Variants in B3GALT1 observed in about 807,000 individuals in gnomAD.
B3GALT1 encodes the protein beta-1,3-galactosyltransferase 1.
In B3GALT1, 10 loss-of-function variants were observed where a neutral mutation model predicts 23.2. That is an observed-to-expected ratio of 0.43 (90% confidence interval 0.27 to 0.73). The LOEUF (loss-of-function observed/expected upper bound fraction) is 0.73. Among genes scored for constraint, B3GALT1 ranks in the 30% least tolerant of loss-of-function variants. B3GALT1 has a pLI of 0.21. For missense variants in B3GALT1, 299 were observed against 405.4 expected, an observed-to-expected ratio of 0.74 and a Z score of 2.25; for synonymous variants, 156 against 141.5, an observed-to-expected ratio of 1.10 and a Z score of -0.73.
chr2:167,566,653 A>T (rs976508307), intron 2 of B3GALT1, among the ~76,000 whole-genome samples: 4 of 152,168 alleles, frequency 2.6e-5, no homozygotes, highest in Non-Finnish European at 4.4e-5. Context: ...GAGCCATATG[A>T]GTAGTTAATA....
At position 167,871,834 on chromosome 2, in the gene B3GALT1, T is replaced by G. The variant is rs545832824; in HGVS notation, c.*1814T>G. On this transcript the variant is annotated 3_prime_UTR_variant, in exon 5 of 5. Coordinates refer to ENST00000392690, the MANE Select transcript of B3GALT1 (RefSeq NM_020981.4). ...CTTCTACCATTTATTAGAAAACACC[T>G]GTTTGTTCTCAAAGAAAGCCCCACA... 6.6e-6 allele frequency: 1 copy of G among 151,772 alleles called. No homozygotes were observed. The highest frequency in any genetic ancestry group is 2.4e-5 in the African/African-American group (1 of 41,316). 9.4% of individuals were successfully genotyped at this position (151,772 alleles called of 1,614,324 possible). A position where few individuals can be genotyped will look rare whatever the true frequency, so the allele number is the denominator to read the frequency against.
chr2:167,566,689 C>G (rs1338935094), intron 2 of B3GALT1, among the ~76,000 whole-genome samples: 1 of 152,086 alleles, frequency 6.6e-6, no homozygotes, highest in Non-Finnish European at 1.5e-5. Flanking sequence ...GCACCCAGGT[C>G]ATCCAGGCTG....
intron 1 of B3GALT1, among the ~76,000 whole-genome samples, chr2:167,315,659 T>A (rs1167613281): frequency 6.6e-6 from 1 of 152,174 alleles, no homozygotes; most frequent in Non-Finnish European, 1.5e-5. Flanking sequence ...TCCCTCCTCT[T>A]ATCCCTCCTA....
At chr2:167,808,697 C>G (rs972988325) in intron 3 of B3GALT1, among the ~76,000 whole-genome samples, 1 of 151,840 alleles carries the variant, frequency 6.6e-6, no homozygotes, top group Non-Finnish European at 1.5e-5. Flanking sequence ...CCTGACCTTT[C>G]TCTCTGGCTG....
intron 1 of B3GALT1, among the ~76,000 whole-genome samples, chr2:167,353,510 C>T (rs1574045253): frequency 6.6e-6 from 1 of 151,882 alleles, no homozygotes; most frequent in South Asian, 2.1e-4. Context: ...TTTATATAAG[C>T]ATTCTCAATG....
rs1479485980 is a variant in B3GALT1 at position 167,403,613 on chromosome 2, G to C, written c.-510-86564G>C. Among the ~76,000 whole-genome samples, 7 of 152,126 alleles carry C rather than the reference G, an allele frequency of 4.6e-5. No individual in the cohort carries two copies. In the South Asian group the frequency reaches 1.0e-3, roughly 23 times the overall value. ...TTATGATTTGCATAATCTGATGATG[G>C]CATGAGGAGTAGTGGCAAAACACAA... On this transcript the variant is annotated intron_variant, in intron 1 of 4. Transcript: ENST00000392690.
chr2:167,557,022 G>A (rs1683865083), intron 2 of B3GALT1, among the ~76,000 whole-genome samples: 1 of 152,132 alleles, frequency 6.6e-6, no homozygotes, highest in South Asian at 2.1e-4. Flanking sequence ...AAAAACTTGT[G>A]TCTTAAAACT....
In B3GALT1 at chr2:167,715,882, T is replaced by G. The variant is rs1687134490; in HGVS notation, c.-352+68916T>G. ...AGCCGACTCCTAACCGATCTAAAAC[T>G]TCTCCACAAAAAAAGGAGAACAACA... On this transcript the variant is annotated intron_variant, in intron 3 of 4. Coordinates refer to ENST00000392690, the MANE Select transcript of B3GALT1 (RefSeq NM_020981.4). 2.5e-6 allele frequency: 4 copies of G among 1,613,662 alleles called. 1 individual carries two copies. In the South Asian group the frequency reaches 3.3e-5, roughly 13 times the overall value.
chr2:167,625,416 AT>A (rs1449604451), intron 2 of B3GALT1, among the ~76,000 whole-genome samples: 1 of 151,784 alleles, frequency 6.6e-6, no homozygotes, highest in Non-Finnish European at 1.5e-5. Flanking sequence ...GGGCTAAAAA[AT>A]TTTCTTGACC....
chr2:167,419,056 ATAT>A (rs959942738), intron 1 of B3GALT1, among the ~76,000 whole-genome samples: 7 of 152,238 alleles, frequency 4.6e-5, no homozygotes, highest in Non-Finnish European at 8.8e-5. Flanking sequence ...CCAGAAAAAA[ATAT>A]TATTAGGGAA....
At chr2:167,718,446 G>C (rs1687185316) in intron 3 of B3GALT1, among the ~76,000 whole-genome samples, 2 of 152,174 alleles carry the variant, frequency 1.3e-5, no homozygotes, top group Admixed American at 1.3e-4. Context: ...GTCAATATTA[G>C]TTTTTGCAAT....
chr2:167,766,250 A>G (rs531558691), intron 3 of B3GALT1, among the ~76,000 whole-genome samples: 1 of 152,258 alleles, frequency 6.6e-6, no homozygotes, highest in East Asian at 1.9e-4. Flanking sequence ...AAATTCAGTG[A>G]TCTGAATGCA....
At chr2:167,672,397 A>G (rs550358830) in intron 3 of B3GALT1, among the ~76,000 whole-genome samples, 23 of 152,326 alleles carry the variant, frequency 1.5e-4, no homozygotes, top group African/African-American at 5.3e-4. Context: ...GCTTGGGTTT[A>G]CATCCTCTGA....
intron 1 of B3GALT1, among the ~76,000 whole-genome samples, chr2:167,409,792 G>A (rs1698362659): frequency 6.6e-6 from 1 of 151,756 alleles, no homozygotes; most frequent in Non-Finnish European, 1.5e-5. Context: ...TGCTGGCGAA[G>A]GTGTGGAGAA....
chr2:167,840,999 G>A (rs1227059514), intron 4 of B3GALT1, among the ~76,000 whole-genome samples: 3 of 131,880 alleles, frequency 2.3e-5, no homozygotes, highest in Admixed American at 8.3e-5. Context: ...CACAGGAATG[G>A]GAACATCATA....
chr2:167,684,922 A>T (rs1171966572), intron 3 of B3GALT1, among the ~76,000 whole-genome samples: 1 of 150,460 alleles, frequency 6.6e-6, no homozygotes, highest in Non-Finnish European at 1.5e-5. Context: ...AAAAATAGAC[A>T]CATGACAGTT....
intron 2 of B3GALT1, among the ~76,000 whole-genome samples, chr2:167,611,492 A>G (rs1444072197): frequency 6.6e-6 from 1 of 152,070 alleles, no homozygotes; most frequent in African/African-American, 2.4e-5. Context: ...GAAAAGGCAC[A>G]AAAGTCCTTT....
At chr2:167,460,118 C>T (rs1025886812) in intron 1 of B3GALT1, among the ~76,000 whole-genome samples, 7 of 152,142 alleles carry the variant, frequency 4.6e-5, no homozygotes, top group African/African-American at 1.7e-4. Flanking sequence ...ACTTGCAGTT[C>T]ACTTGAGTTT....
chr2:167,539,039 TAATGTA>T (rs781112364), intron 2 of B3GALT1, among the ~76,000 whole-genome samples: 16 of 152,188 alleles, frequency 1.1e-4, no homozygotes, highest in Non-Finnish European at 2.4e-4. Flanking sequence ...TTATAATAGT[TAATGTA>T]AAAGTTATAA....
Sources: allele counts gnomAD v4.1 joint callset (sites outside exome capture counted in the v4.1 genomes callset), GRCh38; gene constraint gnomAD v4.1.1; transcripts MANE v1.5; gene names NCBI Gene and HGNC (gene_info 2026-07-23, HGNC 2026-07-21).